The following SYTL3 variants were observed in gnomAD, a reference collection of about 807,000 sequenced individuals.
SYTL3 encodes the protein synaptotagmin-like protein 3.
Under a neutral mutation model 82.1 loss-of-function variants are expected in SYTL3, and 88 were observed. The ratio of observed to expected loss-of-function variants is 1.07; its 90% CI spans 0.90 to 1.28. The LOEUF (loss-of-function observed/expected upper bound fraction) is 1.28, where lower values mean the gene tolerates loss of function less well. Ranked by LOEUF, SYTL3 falls within the 50% of genes most tolerant of loss-of-function variation. The pLI is 0.00. For missense variants in SYTL3, 831 were observed against 757.6 expected, an observed-to-expected ratio of 1.10 and a Z score of -1.14; for synonymous variants, 311 against 289.4, an observed-to-expected ratio of 1.07 and a Z score of -0.76.
intron 1 of SYTL3, among the ~76,000 whole-genome samples, chr6:158,651,339 T>C (rs926818010): frequency 3.9e-5 from 6 of 152,174 alleles, no homozygotes; most frequent in Non-Finnish European, 7.3e-5. Flanking sequence ...ACGCCTGTCA[T>C]CTCAGCACTT....
upstream of SYTL3, among the ~76,000 whole-genome samples, chr6:158,645,797 A>G (rs1316819978): frequency 6.6e-6 from 1 of 152,156 alleles, no homozygotes; most frequent in African/African-American, 2.4e-5. Context: ...CCATAAGTCA[A>G]TAGTTACTAA....
At chr6:158,645,356 A>G (rs1441683305), upstream of SYTL3, among the ~76,000 whole-genome samples, 1 of 152,174 alleles carries the variant, frequency 6.6e-6, no homozygotes, top group Non-Finnish European at 1.5e-5. Flanking sequence ...CTTTATTTGT[A>G]TGTGGGTTCT....
At chr6:158,652,756 G>C (rs1788188080) in intron 2 of SYTL3, among the ~76,000 whole-genome samples, 1 of 151,264 alleles carries the variant, frequency 6.6e-6, no homozygotes, top group Admixed American at 6.6e-5. Flanking sequence ...TGGCCAGGCT[G>C]GTCTCAAAAC....
intron 11 of SYTL3, among the ~76,000 whole-genome samples, chr6:158,739,850 TTTTTCTC>T: frequency 6.6e-6 from 1 of 152,062 alleles, no homozygotes; most frequent in South Asian, 2.1e-4. Context: ...TTTCATTCAT[TTTTTCTC>T]CTCTGTGCTT....
chr6:158,749,992 C>G (rs1788191101), intron 12 of SYTL3, among the ~76,000 whole-genome samples: 1 of 152,096 alleles, frequency 6.6e-6, no homozygotes, highest in South Asian at 2.1e-4. Context: ...GAGGGAAAAA[C>G]TAGGACATAA....
intron 17 of SYTL3, 22 bp from the exon 18 acceptor site, chr6:158,764,473 A>C (rs780351712): frequency 1.9e-6 from 3 of 1,583,254 alleles, no homozygotes; most frequent in South Asian, 1.1e-5. Context: ...GACCATGGCT[A>C]AATTGTCTTC....
chr6:158,671,855 T>C (rs954960398), intron 5 of SYTL3, among the ~76,000 whole-genome samples: 3 of 152,218 alleles, frequency 2.0e-5, no homozygotes, highest in Non-Finnish European at 2.9e-5. Context: ...TTTTGTTACC[T>C]TCAGTGTTTT....
chr6:158,744,541 G>A (rs1787375754), intron 11 of SYTL3, among the ~76,000 whole-genome samples: 1 of 151,518 alleles, frequency 6.6e-6, no homozygotes, highest in African/African-American at 2.4e-5. Flanking sequence ...GGATGGTCTC[G>A]ATCTCCTGAC....
At chr6:158,735,470 A>G (rs552691529) in intron 11 of SYTL3, among the ~76,000 whole-genome samples, 7 of 152,172 alleles carry the variant, frequency 4.6e-5, no homozygotes, top group South Asian at 2.1e-4. Context: ...TCATGTTACT[A>G]TGCATTGAAT....
rs771973561 is a variant in SYTL3 at position 158,762,179 on chromosome 6, G to GT, written c.1517+2dup. 1.9e-5 allele frequency: 30 copies of GT among 1,607,466 alleles called. No homozygotes were observed. In the Admixed American group the frequency reaches 3.3e-4, roughly 18 times the overall value. ...GCACCTTGAACTCATTTGTTAAGGG[G>GT]TAGGTATTCGATGTAATCAAATATT... On this transcript the variant is annotated splice_donor_variant, in intron 16 of 17. Coordinates refer to ENST00000611299, the MANE Select transcript of SYTL3 (RefSeq NM_001242394.2). LOFTEE classifies it high-confidence loss of function.
intron 8 of SYTL3, among the ~76,000 whole-genome samples, chr6:158,710,713 T>G (rs184270674): frequency 1.3e-5 from 2 of 152,276 alleles, no homozygotes; most frequent in Admixed American, 1.3e-4. Context: ...GTGTTTTTAC[T>G]TCTAAGATCT....
intron 6 of SYTL3, among the ~76,000 whole-genome samples, chr6:158,692,908 G>A (rs1414889579): frequency 6.6e-6 from 1 of 151,758 alleles, no homozygotes; most frequent in Non-Finnish European, 1.5e-5. Context: ...CCGAGATCGT[G>A]CCACTGCACT....
intron 7 of SYTL3, among the ~76,000 whole-genome samples, chr6:158,708,004 A>C (rs1214093849): frequency 2.6e-5 from 4 of 152,196 alleles, no homozygotes; most frequent in African/African-American, 7.2e-5. Flanking sequence ...GGGAGCGCAG[A>C]TGGGAACCAG....
intron 11 of SYTL3, among the ~76,000 whole-genome samples, chr6:158,733,057 A>G (rs968128656): frequency 1.3e-5 from 2 of 151,674 alleles, no homozygotes; most frequent in African/African-American, 4.8e-5. Context: ...GTTAAAAATA[A>G]TAATTTCTTT....
intron 13 of SYTL3, among the ~76,000 whole-genome samples, chr6:158,756,259 GGAGCCCCCT>G (rs1035937281): frequency 9.2e-5 from 14 of 152,200 alleles, no homozygotes; most frequent in Non-Finnish European, 1.9e-4. Context: ...GGGTGTGTTG[GGAGCCCCCT>G]GTGTGGACAG....
chr6:158,696,170 A>G (rs1487051698), intron 6 of SYTL3, among the ~76,000 whole-genome samples: 2 of 151,770 alleles, frequency 1.3e-5, no homozygotes, highest in African/African-American at 2.4e-5. Flanking sequence ...AAGGGTTCCA[A>G]TTTTTTCACA....
At chr6:158,645,133 C>A (rs1330578497), upstream of SYTL3, among the ~76,000 whole-genome samples, 1 of 152,192 alleles carries the variant, frequency 6.6e-6, no homozygotes, top group Non-Finnish European at 1.5e-5. Flanking sequence ...CTGCTGAAGG[C>A]AGTGCGCCCG....
At chr6:158,749,198 C>T (rs1172595682) in intron 12 of SYTL3, among the ~76,000 whole-genome samples, 1 of 150,988 alleles carries the variant, frequency 6.6e-6, no homozygotes, top group African/African-American at 2.4e-5. Flanking sequence ...GCACTCCAGC[C>T]TGGGTGACAG....
At chr6:158,674,952 G>C (rs1350230707) in intron 5 of SYTL3, among the ~76,000 whole-genome samples, 2 of 151,246 alleles carry the variant, frequency 1.3e-5, no homozygotes, top group African/African-American at 4.9e-5. Flanking sequence ...TGGGCCCTCA[G>C]TGTGTGGCCC....
Sources: allele counts gnomAD v4.1 joint callset (sites outside exome capture counted in the v4.1 genomes callset), GRCh38; gene constraint gnomAD v4.1.1; transcripts MANE v1.5; gene names NCBI Gene and HGNC (gene_info 2026-07-23, HGNC 2026-07-21).